CFAP263: variants seen among roughly 807,000 people sequenced by gnomAD.
CFAP263 encodes the protein cilia- and flagella-associated protein 263.
chr16:58,274,070 A>G, the CFAP263 span, among the ~76,000 whole-genome samples: 1 of 152,180 alleles, frequency 6.6e-6, no homozygotes, highest in East Asian at 1.9e-4. Context: ...GCCTTCATTA[A>G]TTGTTAGCTA....
At chr16:58,267,464 G>A in the CFAP263 span, 4 of 1,566,236 alleles carry the variant, frequency 2.6e-6, no homozygotes, top group Admixed American at 3.3e-5. Flanking sequence ...GACTTGCTGT[G>A]TTGTTATATT....
the CFAP263 span, among the ~76,000 whole-genome samples, chr16:58,251,687 T>C: frequency 2.0e-5 from 3 of 152,176 alleles, no homozygotes; most frequent in African/African-American, 7.2e-5. Context: ...CCACCACACC[T>C]GGCCCCACTA....
the CFAP263 span, among the ~76,000 whole-genome samples, chr16:58,278,147 T>G: frequency 4.4e-3 from 662 of 152,038 alleles, 1 homozygote; most frequent in Non-Finnish European, 6.7e-3. Context: ...CAAAGTATAC[T>G]TAAATACACA....
the CFAP263 span, among the ~76,000 whole-genome samples, chr16:58,272,331 A>G: frequency 1.3e-5 from 2 of 152,206 alleles, no homozygotes; most frequent in East Asian, 3.9e-4. Flanking sequence ...TTTGTTTTGT[A>G]TGTTGGCTTA....
chr16:58,252,291 TC>T, the CFAP263 span, among the ~76,000 whole-genome samples: 1 of 151,904 alleles, frequency 6.6e-6, no homozygotes, highest in Non-Finnish European at 1.5e-5. Flanking sequence ...GATTGCTTGA[TC>T]CCAGGAGTTC....
the CFAP263 span, among the ~76,000 whole-genome samples, chr16:58,261,805 T>C: frequency 2.0e-5 from 3 of 152,104 alleles, no homozygotes; most frequent in Non-Finnish European, 4.4e-5. Flanking sequence ...AGATATAAAA[T>C]GGCATAGACC....
At chr16:58,268,682 C>G in the CFAP263 span, among the ~76,000 whole-genome samples, 35 of 152,242 alleles carry the variant, frequency 2.3e-4, no homozygotes, top group East Asian at 3.9e-3. Context: ...AAAAAACCCC[C>G]AATTTCAGTA....
the CFAP263 span, among the ~76,000 whole-genome samples, chr16:58,265,810 A>C: frequency 6.6e-6 from 1 of 152,190 alleles, no homozygotes; most frequent in Non-Finnish European, 1.5e-5. Context: ...ACTCAGCATC[A>C]CCAATTTCGC....
chr16:58,281,053 T>C, the CFAP263 span: 3 of 348,358 alleles, frequency 8.6e-6, no homozygotes, highest in African/African-American at 4.1e-5. Flanking sequence ...CTTCCCTCTC[T>C]TCTGGCTTCT....
chr16:58,269,308 G>A, the CFAP263 span, among the ~76,000 whole-genome samples: 2 of 151,930 alleles, frequency 1.3e-5, no homozygotes, highest in Middle Eastern at 3.4e-3. Context: ...TCCAGCCTCA[G>A]TGACAGAGGG....
At chr16:58,263,829 A>G in the CFAP263 span, among the ~76,000 whole-genome samples, 1 of 152,088 alleles carries the variant, frequency 6.6e-6, no homozygotes, top group Non-Finnish European at 1.5e-5. Flanking sequence ...AATACAAAAA[A>G]TTATCTGGGC....
At chr16:58,256,031 G>C in the CFAP263 span, among the ~76,000 whole-genome samples, 2 of 152,162 alleles carry the variant, frequency 1.3e-5, no homozygotes, top group Non-Finnish European at 1.5e-5. Context: ...GCATTTGAGA[G>C]CCATGTTGTA....
chr16:58,280,776 G>A, the CFAP263 span: 1 of 1,576,872 alleles, frequency 6.3e-7, no homozygotes, highest in Admixed American at 1.8e-5. Flanking sequence ...AAAGACAGAA[G>A]GCTTCAAGTC....
At chr16:58,280,361 C>A in the CFAP263 span, 1 of 1,614,206 alleles carries the variant, frequency 6.2e-7, no homozygotes, top group Non-Finnish European at 8.5e-7. Flanking sequence ...AAGGGTTGTA[C>A]AGACGCCTCA....
At chr16:58,253,883 C>T in the CFAP263 span, 1 of 1,086,774 alleles carries the variant, frequency 9.2e-7, no homozygotes, top group Non-Finnish European at 1.4e-6. Flanking sequence ...TTTGTTCTCC[C>T]TGGCTGTCAC....
chr16:58,272,029 T>C, the CFAP263 span, among the ~76,000 whole-genome samples: 1 of 152,114 alleles, frequency 6.6e-6, no homozygotes, highest in East Asian at 1.9e-4. Context: ...TTTTTTTTTT[T>C]TTTGAGACAG....
chr16:58,267,001 C>T, the CFAP263 span, among the ~76,000 whole-genome samples: 1 of 152,198 alleles, frequency 6.6e-6, no homozygotes, highest in Non-Finnish European at 1.5e-5. Context: ...GTTCTCTCAC[C>T]TATAAATGGA....
At chr16:58,259,496 T>C in the CFAP263 span, among the ~76,000 whole-genome samples, 1 of 152,188 alleles carries the variant, frequency 6.6e-6, no homozygotes, top group Non-Finnish European at 1.5e-5. Flanking sequence ...GGTAGGGTTA[T>C]TACTAATCCT....
chr16:58,261,916 G>A, the CFAP263 span, among the ~76,000 whole-genome samples: 1 of 152,280 alleles, frequency 6.6e-6, no homozygotes, highest in Admixed American at 6.5e-5. Flanking sequence ...GGAAATCGGT[G>A]GGCTGCTTGT....
Sources: allele counts gnomAD v4.1 joint callset (sites outside exome capture counted in the v4.1 genomes callset), GRCh38; gene constraint gnomAD v4.1.1; transcripts MANE v1.5; gene names NCBI Gene and HGNC (gene_info 2026-07-23, HGNC 2026-07-21).